Variants in DOCK2 observed in about 807,000 individuals in gnomAD.
The protein encoded by DOCK2 is dedicator of cytokinesis protein 2.
In DOCK2, 87 loss-of-function variants were observed where a neutral mutation model predicts 248.9. That is an observed-to-expected ratio of 0.35 (90% CI 0.29 to 0.42). The LOEUF (loss-of-function observed/expected upper bound fraction) is 0.42. DOCK2 is among the 10% of genes least tolerant of loss of function. The pLI is 1.00. For missense variants in DOCK2, 1,747 were observed against 2,300.2 expected, an observed-to-expected ratio of 0.76 and a Z score of 4.92; for synonymous variants, 805 against 821.6, an observed-to-expected ratio of 0.98 and a Z score of 0.35.
intron 6 of DOCK2, 93 bp from the exon 7 acceptor site, chr5:169,681,651 C>A: frequency 6.8e-7 from 1 of 1,474,714 alleles, no homozygotes; most frequent in South Asian, 1.4e-5. Flanking sequence ...ATATGACCCC[C>A]AGAAATCAGC....
intron 21 of DOCK2, among the ~76,000 whole-genome samples, chr5:169,717,781 A>G (rs1761983817): frequency 6.6e-6 from 1 of 152,130 alleles, no homozygotes; most frequent in Non-Finnish European, 1.5e-5. Context: ...TACAGAGAAG[A>G]CCAGGTGTGG....
intron 32 of DOCK2, among the ~76,000 whole-genome samples, chr5:170,017,840 C>G (rs998211860): frequency 6.6e-6 from 1 of 152,234 alleles, no homozygotes; most frequent in East Asian, 1.9e-4. Flanking sequence ...GGCACTGATT[C>G]TTCTGCGCTC....
chr5:169,938,900 T>C (rs1456733609), intron 27 of DOCK2, among the ~76,000 whole-genome samples: 1 of 136,822 alleles, frequency 7.3e-6, no homozygotes, highest in Non-Finnish European at 1.6e-5. Flanking sequence ...TTCTTTCTTT[T>C]TTTTCTTTTC....
chr5:169,891,971 G>A (rs1415017526), intron 27 of DOCK2, among the ~76,000 whole-genome samples: 11 of 149,214 alleles, frequency 7.4e-5, no homozygotes, highest in Admixed American at 6.7e-4. Context: ...ACTCCAGCCT[G>A]GGCAACAGTG....
At chr5:169,903,072 T>TA (rs1774030852) in intron 27 of DOCK2, among the ~76,000 whole-genome samples, 1 of 151,356 alleles carries the variant, frequency 6.6e-6, no homozygotes, top group African/African-American at 2.4e-5. Flanking sequence ...TACTCCAGCC[T>TA]GGCGACAGAG....
rs1222818379 is a variant in DOCK2 at position 169,763,787 on chromosome 5, G to T, written c.2554+2162G>T. ...CTTTAAATACATACAGAGACTAGAG[G>T]TAGACAAAGTATCCTTTGGGGACCC... On this transcript the variant is annotated intron_variant, in intron 25 of 51. Coordinates refer to ENST00000520908, the MANE Select transcript of DOCK2 (RefSeq NM_004946.3). The surrounding 1 kb of genome is among the most constrained non-coding windows in gnomAD (Gnocchi z 4.1). 2.0e-5 allele frequency among the ~76,000 whole-genome samples: 3 copies of T among 152,224 alleles called. No individual in the cohort carries two copies. Among genetic ancestry groups the T allele is most frequent in the Non-Finnish European group, 4.4e-5 (3 of 68,044 alleles).
chr5:170,079,997 G>T, intron 49 of DOCK2, 166 bp from the exon 50 acceptor site: 33 of 1,138,454 alleles, frequency 2.9e-5, no homozygotes, highest in Admixed American at 5.4e-5. Flanking sequence ...GCAACCATAT[G>T]TGGCAGGCTG....
intron 22 of DOCK2, among the ~76,000 whole-genome samples, chr5:169,727,791 A>T (rs185569657): frequency 0.017 from 2,626 of 152,200 alleles, 137 homozygotes; most frequent in Admixed American, 0.12. Context: ...GAAAAAAAAA[A>T]TTTTTTTCTC....
intron 27 of DOCK2, among the ~76,000 whole-genome samples, chr5:169,974,018 C>T (rs974187353): frequency 6.6e-6 from 1 of 152,192 alleles, no homozygotes; most frequent in Non-Finnish European, 1.5e-5. Flanking sequence ...GACGATCACA[C>T]ACTTTTCCTT....
At chr5:169,987,490 T>G (rs1011491887) in intron 29 of DOCK2, among the ~76,000 whole-genome samples, 2 of 152,188 alleles carry the variant, frequency 1.3e-5, no homozygotes, top group Non-Finnish European at 2.9e-5. Flanking sequence ...AATGGGCAGG[T>G]GAATGCACAG....
chr5:169,713,935 C>G, intron 17 of DOCK2, 93 bp from the exon 18 acceptor site: 1 of 1,392,416 alleles, frequency 7.2e-7, no homozygotes, highest in Non-Finnish European at 9.6e-7. Context: ...ATGACTCTCC[C>G]CACTTCACAG....
chr5:169,859,950 G>C (rs1481847567), intron 27 of DOCK2, among the ~76,000 whole-genome samples: 3 of 146,374 alleles, frequency 2.0e-5, no homozygotes, highest in Non-Finnish European at 3.0e-5. Flanking sequence ...GGTTTCTGGT[G>C]GATCCTTCTT....
intron 9 of DOCK2, among the ~76,000 whole-genome samples, chr5:169,692,237 G>A (rs1307847018): frequency 6.6e-6 from 1 of 152,164 alleles, no homozygotes; most frequent in Admixed American, 6.5e-5. Flanking sequence ...CTAAGATTTA[G>A]CCCAGTTTTG....
At chr5:169,874,020 C>G (rs963982637) in intron 27 of DOCK2, among the ~76,000 whole-genome samples, 1 of 152,088 alleles carries the variant, frequency 6.6e-6, no homozygotes, top group African/African-American at 2.4e-5. Context: ...TTGCTAGATA[C>G]AAAGGGAGGC....
intron 39 of DOCK2, among the ~76,000 whole-genome samples, chr5:170,046,701 C>T (rs1165896425): frequency 6.6e-6 from 1 of 152,046 alleles, no homozygotes; most frequent in Non-Finnish European, 1.5e-5. Flanking sequence ...CAAGAGACAC[C>T]TAATACCTGC....
chr5:169,883,645 C>G lies in DOCK2; in HGVS notation c.2799+42793C>G, dbSNP rs1195619009. 1.9e-6 allele frequency: 3 copies of G among 1,551,116 alleles called. No individual in the cohort carries two copies. The Admixed American group carries it at 5.9e-5, about 30-fold the overall frequency. On this transcript the variant is annotated intron_variant, in intron 27 of 51. Transcript: ENST00000520908. Reference sequence around the variant, plus strand: ...GCGAAAGCCCCCTGCCTTCTGGGACCTGGGGAAGGAGAGCGAGTAGGTGGG... The same window carrying G: ...GCGAAAGCCCCCTGCCTTCTGGGACGTGGGGAAGGAGAGCGAGTAGGTGGG...
In DOCK2 at chr5:169,727,089, G is replaced by T. The variant is rs549380632; in HGVS notation, c.2267+8298G>T. On this transcript the variant is annotated intron_variant, in intron 22 of 51. Coordinates refer to ENST00000520908, the MANE Select transcript of DOCK2 (RefSeq NM_004946.3). Reference sequence around the variant, plus strand: ...TCTCAAAAAAAAAAAAAAGAAAAAAGAAAGAAAGAAAAGAAAAGGAGCCAG... The same window carrying T: ...TCTCAAAAAAAAAAAAAAGAAAAAATAAAGAAAGAAAAGAAAAGGAGCCAG... 1.8e-3 allele frequency among the ~76,000 whole-genome samples: 264 copies of T among 150,072 alleles called. 1 individual carries two copies. The highest frequency in any genetic ancestry group is 6.3e-3 in the African/African-American group (255 of 40,508).
At chr5:169,998,746 A>G (rs527499928) in intron 30 of DOCK2, among the ~76,000 whole-genome samples, 23 of 152,292 alleles carry the variant, frequency 1.5e-4, no homozygotes. Flanking sequence ...TGCCTGATAT[A>G]GACTTTCACC....
At chr5:169,941,152 A>G (rs540261221) in intron 27 of DOCK2, among the ~76,000 whole-genome samples, 87 of 152,282 alleles carry the variant, frequency 5.7e-4, no homozygotes, top group African/African-American at 2.0e-3. Flanking sequence ...AGAGCAGATA[A>G]CAAGGATCCC....
Sources: allele counts gnomAD v4.1 joint callset (sites outside exome capture counted in the v4.1 genomes callset), GRCh38; gene constraint gnomAD v4.1.1; non-coding constraint Gnocchi (gnomAD v3.1); transcripts MANE v1.5; gene names NCBI Gene and HGNC (gene_info 2026-07-23, HGNC 2026-07-21).